Variants in INTS8 observed in about 807,000 individuals in gnomAD.
The protein encoded by INTS8 is protein kaonashi-1.
Under a neutral mutation model 138.9 loss-of-function variants are expected in INTS8, and 47 were observed. The ratio of observed to expected loss-of-function variants is 0.34; its 90% CI spans 0.27 to 0.43. INTS8 has a LOEUF of 0.43. Ranked by LOEUF, INTS8 falls within the 20% of genes least tolerant of loss-of-function variation. The pLI, the probability that INTS8 is intolerant of heterozygous loss-of-function variation, is 1.00. For synonymous variants in INTS8, 392 were observed against 400.9 expected (o/e 0.98, Z 0.27); for missense variants, 996 against 1,173.0 (o/e 0.85, Z 2.20).
intron 14 of INTS8, among the ~76,000 whole-genome samples, chr8:94,855,614 A>G (rs1815717322): frequency 6.6e-6 from 1 of 152,212 alleles, no homozygotes; most frequent in African/African-American, 2.4e-5. Context: ...TTTATTCACA[A>G]AAAGTTTGTG....
In INTS8 at chr8:94,832,009, T is replaced by C. The variant is rs1280850221; in HGVS notation, c.588T>C (p.Ala196=). Residue 196 remains alanine, a synonymous_variant, in exon 6 of 27, where the codon GCT becomes GCC. Transcript: ENST00000523731. ...TTCTGTAGCTCAAAGAACAAGCTGC[T>C]GATTCTATTTTGGTACTAGAAGCAG... ...NILKVLKEQA[A]DSILVLEAAL... 1 of 1,599,868 alleles carries C rather than the reference T, an allele frequency of 6.3e-7. No homozygotes were observed.
At position 94,881,447 on chromosome 8, in the gene INTS8, A is replaced by T. The variant is rs1356052143; in HGVS notation, c.*1213A>T. The stretch of plus-strand genomic sequence containing the variant: ...TCCTGCTGTTTCTTTAACAGCTAAC[A>T]TAGGAAATAATTAAATGTATTCTTT... On this transcript the variant is annotated 3_prime_UTR_variant, in exon 27 of 27. Transcript: ENST00000523731. 1 of 587,782 alleles carries T rather than the reference A, an allele frequency of 1.7e-6. No individual in the cohort carries two copies. Among genetic ancestry groups the T allele is most frequent in the Non-Finnish European group, 2.9e-6 (1 of 341,298 alleles). 36.4% of individuals were successfully genotyped at this position (587,782 alleles called of 1,614,324 possible).
chr8:94,880,324 A>G lies in INTS8; in HGVS notation c.*90A>G, dbSNP rs1816759088. ...TTAAGTTTATATAATACATATGTAC[A>G]CAATTAGTGGTGTTTTCTTTTCAGA... On this transcript the variant is annotated 3_prime_UTR_variant, in exon 27 of 27. Coordinates refer to ENST00000523731, the MANE Select transcript of INTS8 (RefSeq NM_017864.4). 4.6e-6 allele frequency: 3 copies of G among 651,498 alleles called. No homozygotes were observed. Among genetic ancestry groups the G allele is most frequent in the African/African-American group, 1.8e-5 (1 of 54,206 alleles). The allele number at this position is 651,498 out of a possible 1,614,324, so 40.4% of individuals were successfully genotyped here.
intron 6 of INTS8, among the ~76,000 whole-genome samples, chr8:94,833,074 G>A (rs1038814712): frequency 6.6e-6 from 1 of 151,832 alleles, no homozygotes; most frequent in Non-Finnish European, 1.5e-5. Flanking sequence ...TCCAGAGTAG[G>A]ACCTTGAGTA....
chr8:94,828,916 A>T lies in INTS8; in HGVS notation c.519-59A>T, dbSNP rs367779937. ...TCAAGAATGATGCTCTTAAGTTTTG[A>T]ATTTTTTAGTCTTGAGAGTAACTTT... is the stretch of plus-strand genomic sequence containing the variant. On this transcript the variant is annotated intron_variant, in intron 4 of 26. Transcript: ENST00000523731. 4 of 1,110,436 alleles carry T rather than the reference A, an allele frequency of 3.6e-6. No homozygotes were observed. In the African/African-American group the frequency reaches 6.2e-5, roughly 17 times the overall value. 68.8% of individuals were successfully genotyped at this position (1,110,436 alleles called of 1,614,324 possible). A position where few individuals can be genotyped will look rare whatever the true frequency, so the allele number is the denominator to read the frequency against.
chr8:94,837,853 A>G (rs772498717), intron 7 of INTS8, among the ~76,000 whole-genome samples: 4 of 151,922 alleles, frequency 2.6e-5, no homozygotes, highest in Non-Finnish European at 5.9e-5. Flanking sequence ...TTCAGTCTCT[A>G]TTGCATATTC....
At chr8:94,836,926 A>G (rs1197677231) in intron 7 of INTS8, among the ~76,000 whole-genome samples, 1 of 152,172 alleles carries the variant, frequency 6.6e-6, no homozygotes, top group Non-Finnish European at 1.5e-5. Context: ...TTATAAATGT[A>G]TCATATTATG....
Position 94,881,389 on chromosome 8 carries a change from A to C in INTS8, c.*1155A>C. 1 of 523,744 alleles carries C rather than the reference A, an allele frequency of 1.9e-6. No homozygotes were observed. Among genetic ancestry groups the C allele is most frequent in the South Asian group, 2.9e-5 (1 of 35,042 alleles). 32.4% of individuals were successfully genotyped at this position (523,744 alleles called of 1,614,324 possible). On this transcript the variant is annotated 3_prime_UTR_variant, in exon 27 of 27. Transcript: ENST00000523731. ...AGACTGTGGTTGGCTTCTATCCAGT[A>C]ACCTTGGGAATGAAGACATCTTTGT...
chr8:94,856,975 C>G lies in INTS8; in HGVS notation c.1951C>G (p.Pro651Ala). The stretch of plus-strand genomic sequence containing the variant: ...ACGAGGCTATCTGGAAATGAGGCTT[C>G]CTGGTAAGACTGGTTCACAAAGACA... Reference protein sequence around the residue: ...RVRGYLEMRLPDIPLRQVIAE... With the variant: ...RVRGYLEMRLADIPLRQVIAE... Residue 651 changes from proline to alanine, a missense_variant, in exon 15 of 27, where the codon CCT becomes GCT. Physicochemically the swap from Pro to Ala is conservative, Grantham distance 27. Coordinates refer to ENST00000523731, the MANE Select transcript of INTS8 (RefSeq NM_017864.4). 2 of 1,612,626 alleles carry G rather than the reference C, an allele frequency of 1.2e-6. No individual in the cohort carries two copies. Among genetic ancestry groups the G allele is most frequent in the Non-Finnish European group, 1.7e-6 (2 of 1,178,844 alleles).
At chr8:94,841,716 G>T in intron 9 of INTS8, 125 bp downstream of exon 9, 1 of 609,878 alleles carries the variant, frequency 1.6e-6, no homozygotes, top group Non-Finnish European at 2.9e-6. Flanking sequence ...GTTAATATAA[G>T]GGAAATTAAC....
intron 23 of INTS8, 73 bp from the exon 24 acceptor site, chr8:94,876,001 G>C (rs1213887588): frequency 2.1e-6 from 2 of 936,332 alleles, no homozygotes; most frequent in Admixed American, 1.7e-5. Flanking sequence ...CTTAATATAA[G>C]AGTAATTCAA....
At chr8:94,850,328 G>A (rs909497061) in intron 12 of INTS8, among the ~76,000 whole-genome samples, 1 of 152,132 alleles carries the variant, frequency 6.6e-6, no homozygotes, top group Non-Finnish European at 1.5e-5. Context: ...TTTAGCTGGG[G>A]AAGGCTGGGC....
intron 12 of INTS8, 94 bp downstream of exon 12, chr8:94,850,185 T>G: frequency 1.2e-6 from 1 of 811,700 alleles, no homozygotes; most frequent in Non-Finnish European, 1.9e-6. Context: ...TCTCTTGTTT[T>G]AATTAACACT....
intron 17 of INTS8, 60 bp downstream of exon 17, chr8:94,865,750 A>G: frequency 1.4e-6 from 2 of 1,398,690 alleles, no homozygotes; most frequent in Admixed American, 1.9e-5. Context: ...TCCTATTTAT[A>G]CTATTAACCT....
chr8:94,851,202 CATT>C (rs1350914249), intron 12 of INTS8, among the ~76,000 whole-genome samples: 1 of 151,616 alleles, frequency 6.6e-6, no homozygotes, highest in East Asian at 1.9e-4. Context: ...TCTGTTAACA[CATT>C]ATATTCAAAA....
intron 16 of INTS8, among the ~76,000 whole-genome samples, chr8:94,860,727 CTTTG>C (rs997710642): frequency 6.7e-6 from 1 of 149,030 alleles, no homozygotes; most frequent in African/African-American, 2.5e-5. Context: ...TTTTGTTATT[CTTTG>C]TTTGTCCCAA....
intron 18 of INTS8, chr8:94,866,458 A>G (rs527439547): frequency 1.0e-5 from 4 of 384,014 alleles, no homozygotes; most frequent in South Asian, 9.9e-5. Flanking sequence ...ATGCCCAGCT[A>G]ATTTTTTGTA....
intron 23 of INTS8, among the ~76,000 whole-genome samples, chr8:94,875,586 T>C (rs1816539720): frequency 6.6e-6 from 1 of 152,126 alleles, no homozygotes; most frequent in African/African-American, 2.4e-5. Context: ...AACCACCAGA[T>C]TGGGTACTTT....
At chr8:94,857,071 CTTTTTTTTTTT>C in intron 15 of INTS8, 93 bp downstream of exon 15, 2 of 546,628 alleles carry the variant, frequency 3.7e-6, no homozygotes, top group Non-Finnish European at 3.0e-6. Context: ...AGTTTGTAAT[CTTTTTTTTTTT>C]TTTTTTTTGA....
Sources: allele counts gnomAD v4.1 joint callset (sites outside exome capture counted in the v4.1 genomes callset), GRCh38; gene constraint gnomAD v4.1.1; transcripts MANE v1.5; gene names NCBI Gene and HGNC (gene_info 2026-07-23, HGNC 2026-07-21).